The following GRM1 variants were observed in gnomAD, a reference collection of about 807,000 sequenced individuals.
GRM1 encodes glutamate metabotropic receptor 1, also known as metabotropic glutamate receptor 1.
A neutral mutation model predicts 90.9 loss-of-function variants in GRM1; 33 were observed. That is an observed-to-expected ratio of 0.36 (90% CI 0.28 to 0.49). The LOEUF is 0.49. Ranked by LOEUF, GRM1 falls within the 20% of genes least tolerant of loss-of-function variation. GRM1 has a pLI of 0.99. For synonymous variants in GRM1, 700 were observed against 613.2 expected (o/e 1.14, Z -2.09); for missense variants, 1,190 against 1,534.3 (o/e 0.78, Z 3.75).
rs116471335 is a variant in GRM1, at chr6:146,434,070, C to T, written c.2859C>T (p.Thr953=). The part of the protein sequence containing the change: ...SLTFSDTSTK[T]LYNVEEEEDA... The stretch of plus-strand genomic sequence containing the variant: ...CCTTTTCAGATACCAGCACCAAGAC[C>T]CTTTACAACGTAGAGGAGGAGGAGG... The change falls in exon 8 of 8, where the codon ACC becomes ACT. Residue 953 remains threonine, a synonymous_variant. Transcript: ENST00000282753. 4.2e-4 allele frequency: 682 copies of T among 1,614,216 alleles called. 2 individuals carry two copies. In the African/African-American group the frequency reaches 7.8e-3, roughly 19 times the overall value.
At chr6:146,235,465 G>C (rs1780607836) in intron 2 of GRM1, among the ~76,000 whole-genome samples, 1 of 151,928 alleles carries the variant, frequency 6.6e-6, no homozygotes, top group Admixed American at 6.6e-5. Context: ...AAAATTCTCT[G>C]CCATAATACC....
At chr6:146,125,692 T>TC (rs1365089828) in intron 1 of GRM1, among the ~76,000 whole-genome samples, 3 of 151,984 alleles carry the variant, frequency 2.0e-5, no homozygotes, top group Admixed American at 6.6e-5. Flanking sequence ...CTTTTATTCT[T>TC]CCCCCCTCCT....
In GRM1 at chr6:146,359,221, T is replaced by C. The variant is rs555022449; in HGVS notation, c.1602+1527T>C. Among the ~76,000 whole-genome samples the C allele has an allele frequency of 9.2e-5, 14 of 152,298 alleles. No homozygotes were observed. In the East Asian group the frequency reaches 2.7e-3, roughly 29 times the overall value. ...ACATGAGGCTGCTGATGATATAAGGTATGTTCTCTGAAATCCACAGGCCCC... is the reference window on the plus strand; with the variant it reads ...ACATGAGGCTGCTGATGATATAAGGCATGTTCTCTGAAATCCACAGGCCCC... On this transcript the variant is annotated intron_variant, in intron 5 of 7. Coordinates refer to ENST00000282753, the MANE Select transcript of GRM1 (RefSeq NM_001278064.2).
chr6:146,181,045 G>A (rs1778533439), intron 2 of GRM1, among the ~76,000 whole-genome samples: 1 of 152,102 alleles, frequency 6.6e-6, no homozygotes, highest in Non-Finnish European at 1.5e-5. Flanking sequence ...AGGAGAATTT[G>A]TGCCAAAGAA....
intron 2 of GRM1, among the ~76,000 whole-genome samples, chr6:146,250,831 T>A (rs1781243922): frequency 6.6e-6 from 1 of 152,156 alleles, no homozygotes; most frequent in African/African-American, 2.4e-5. Flanking sequence ...GCTGACAGAT[T>A]TAAGGGTATA....
chr6:146,302,491 C>A (rs921862460), intron 2 of GRM1, among the ~76,000 whole-genome samples: 3 of 151,724 alleles, frequency 2.0e-5, no homozygotes, highest in Admixed American at 1.3e-4. Flanking sequence ...CCCACCTCAG[C>A]CTCCCAAATA....
At chr6:146,367,044 T>G (rs1282312130) in intron 5 of GRM1, among the ~76,000 whole-genome samples, 3 of 152,210 alleles carry the variant, frequency 2.0e-5, no homozygotes, top group African/African-American at 7.2e-5. Context: ...CTCTGACATT[T>G]AAGTCTCTAA....
At chr6:146,175,918 C>T (rs1778323439) in intron 2 of GRM1, among the ~76,000 whole-genome samples, 1 of 151,988 alleles carries the variant, frequency 6.6e-6, no homozygotes, top group Non-Finnish European at 1.5e-5. Flanking sequence ...TTATAATAGG[C>T]CATTGTGGTT....
intron 1 of GRM1, among the ~76,000 whole-genome samples, chr6:146,156,634 A>G (rs1028838219): frequency 2.0e-5 from 3 of 152,076 alleles, no homozygotes; most frequent in East Asian, 1.9e-4. Flanking sequence ...GCTCTTTCCT[A>G]CTGTTCTTCC....
intron 3 of GRM1, among the ~76,000 whole-genome samples, chr6:146,351,710 G>A (rs362875): frequency 0.033 from 4,960 of 152,006 alleles, 283 homozygotes; most frequent in African/African-American, 0.11. Context: ...CCCATCAACC[G>A]TATATAAGAA....
chr6:146,421,580 T>C (rs972500722), intron 7 of GRM1, among the ~76,000 whole-genome samples: 4 of 152,192 alleles, frequency 2.6e-5, no homozygotes, highest in African/African-American at 4.8e-5. Context: ...TTCAAACATA[T>C]CCTTAATATT....
chr6:146,166,984 G>T (rs572244276), intron 2 of GRM1, among the ~76,000 whole-genome samples: 5 of 151,952 alleles, frequency 3.3e-5, no homozygotes, highest in African/African-American at 1.2e-4. Flanking sequence ...ATAACTCTAC[G>T]CAGTGACATA....
chr6:146,400,604 G>A (rs1007505606), intron 7 of GRM1, among the ~76,000 whole-genome samples: 2 of 151,878 alleles, frequency 1.3e-5, no homozygotes, highest in African/African-American at 4.8e-5. Context: ...TGTTAAATTT[G>A]CATATGTCAC....
chr6:146,048,119 G>C (rs780034504), intron 1 of GRM1, among the ~76,000 whole-genome samples: 16 of 152,000 alleles, frequency 1.1e-4, no homozygotes, highest in Non-Finnish European at 1.6e-4. Context: ...TCCATACAGC[G>C]TGTACCATAT....
chr6:146,301,838 A>G lies in GRM1; in HGVS notation c.951-2773A>G, dbSNP rs2114917632. On this transcript the variant is annotated intron_variant, in intron 2 of 7. Transcript: ENST00000282753. Reference sequence around the variant, plus strand: ...CTTTCTGAGCAGACTGGACATATGAAAAAAATGAATGAGTCAGTCTTTTTA... The same window carrying G: ...CTTTCTGAGCAGACTGGACATATGAGAAAAATGAATGAGTCAGTCTTTTTA... Among the ~76,000 whole-genome samples, 2 of 152,266 alleles carry G rather than the reference A, an allele frequency of 1.3e-5. 1 individual carries two copies. Among genetic ancestry groups the G allele is most frequent in the South Asian group, 4.1e-4 (2 of 4,822 alleles).
intron 7 of GRM1, among the ~76,000 whole-genome samples, chr6:146,414,229 TA>T (rs774714832): frequency 6.6e-6 from 1 of 152,114 alleles, no homozygotes; most frequent in Non-Finnish European, 1.5e-5. Flanking sequence ...AATGCGTATG[TA>T]GAGGTATTTA....
chr6:146,138,402 A>G (rs1394472001), intron 1 of GRM1, among the ~76,000 whole-genome samples: 1 of 152,038 alleles, frequency 6.6e-6, no homozygotes, highest in Non-Finnish European at 1.5e-5. Context: ...TTTCAGCATC[A>G]AGTGAAGTGT....
At chr6:146,357,258 G>A (rs1459059759) in intron 4 of GRM1, among the ~76,000 whole-genome samples, 1 of 152,096 alleles carries the variant, frequency 6.6e-6, no homozygotes, top group Non-Finnish European at 1.5e-5. Context: ...AGCAAACATA[G>A]CATTATTTTT....
chr6:146,337,578 A>T (rs1244546594), intron 3 of GRM1, among the ~76,000 whole-genome samples: 3 of 152,086 alleles, frequency 2.0e-5, no homozygotes, highest in South Asian at 2.1e-4. Flanking sequence ...TGGCCTTCTC[A>T]TGAAATTCAG....
Sources: gnomAD v4.1 joint callset for allele counts (sites outside exome capture counted in the v4.1 genomes callset) on GRCh38, gnomAD v4.1.1 for gene constraint, MANE v1.5 for transcripts, NCBI Gene and HGNC (gene_info 2026-07-23, HGNC 2026-07-21) for gene names.